The following CDH4 variants were observed in gnomAD, a reference collection of about 807,000 sequenced individuals.
CDH4 encodes the protein cadherin-4.
Under a neutral mutation model 86.0 loss-of-function variants are expected in CDH4, and 33 were observed. That is an observed-to-expected ratio of 0.38 (90% CI 0.29 to 0.51). CDH4 has a LOEUF of 0.51. CDH4 is among the 20% of genes least tolerant of loss of function. The pLI, the probability that CDH4 is intolerant of heterozygous loss-of-function variation, is 0.86. For missense variants in CDH4, 1,114 were observed against 1,307.4 expected, an observed-to-expected ratio of 0.85 and a Z score of 2.28; for synonymous variants, 555 against 549.4, an observed-to-expected ratio of 1.01 and a Z score of -0.14.
At chr20:61,479,207 T>A (rs1052693286) in intron 2 of CDH4, among the ~76,000 whole-genome samples, 1 of 152,008 alleles carries the variant, frequency 6.6e-6, no homozygotes, top group African/African-American at 2.4e-5. Context: ...GCAAGGGTGT[T>A]TTTTTTTAAA....
At chr20:61,773,294 C>T (rs2088800063) in intron 4 of CDH4, 112 bp downstream of exon 4, 1 of 1,019,438 alleles carries the variant, frequency 9.8e-7, no homozygotes, top group African/African-American at 1.6e-5. Flanking sequence ...GAGAAGGTCG[C>T]GATTTCACCC....
intron 2 of CDH4, among the ~76,000 whole-genome samples, chr20:61,618,837 C>T (rs912812656): frequency 4.6e-5 from 7 of 152,184 alleles, no homozygotes; most frequent in Admixed American, 2.6e-4. Flanking sequence ...GGGTAGAGAC[C>T]AGGGGCCAAC....
At chr20:61,845,769 G>A (rs1486464596) in intron 5 of CDH4, among the ~76,000 whole-genome samples, 1 of 152,236 alleles carries the variant, frequency 6.6e-6, no homozygotes, top group African/African-American at 2.4e-5. Context: ...GTGGTAACTC[G>A]GGAACAACCA....
intron 2 of CDH4, among the ~76,000 whole-genome samples, chr20:61,687,432 C>A (rs2087597042): frequency 6.6e-6 from 1 of 152,190 alleles, no homozygotes; most frequent in African/African-American, 2.4e-5. Context: ...GGATGGGCGC[C>A]CCCGGGGACC....
intron 2 of CDH4, among the ~76,000 whole-genome samples, chr20:61,651,270 T>A (rs4925267): frequency 0.37 from 56,623 of 152,154 alleles, 11,457 homozygotes; most frequent in Non-Finnish European, 0.46. Flanking sequence ...GGCAGTGAGT[T>A]CTGATTGCAG....
At chr20:61,919,153 G>A (rs2054939509) in intron 9 of CDH4, among the ~76,000 whole-genome samples, 1 of 152,214 alleles carries the variant, frequency 6.6e-6, no homozygotes. Flanking sequence ...TTACAGGCAT[G>A]AGCCACCGCA....
intron 2 of CDH4, among the ~76,000 whole-genome samples, chr20:61,644,523 A>T (rs570383883): frequency 1.3e-5 from 2 of 152,304 alleles, no homozygotes; most frequent in South Asian, 4.1e-4. Context: ...CCCGCTTTGA[A>T]TGACGTGAGC....
In CDH4 at chr20:61,873,749, C is replaced by G. The variant is rs764336317; in HGVS notation, c.899C>G (p.Thr300Arg). Residue 300 changes from threonine (T) to arginine (R), a missense_variant, in exon 7 of 16, where the codon ACG becomes AGG. Transcript: ENST00000614565. Reference sequence around the variant, plus strand: ...CCAGGCACCTACGTGATGACCGTCACGGCCAACGATGCTGACGACAGCACC... The same window carrying G: ...CCAGGCACCTACGTGATGACCGTCAGGGCCAACGATGCTGACGACAGCACC... ...SKPGTYVMTV[T>R]ANDADDSTTA... The G allele has an allele frequency of 1.2e-6, 2 of 1,613,444 alleles. No homozygotes were observed. The highest frequency in any genetic ancestry group is 8.5e-7 in the Non-Finnish European group (1 of 1,179,986).
chr20:61,280,033 T>C (rs6028089), intron 2 of CDH4, among the ~76,000 whole-genome samples: 130,134 of 152,142 alleles, frequency 0.86, 55,681 homozygotes, highest in African/African-American at 0.86. Flanking sequence ...GCTGTGTGGG[T>C]GGGGCAGGCG....
At chr20:61,428,376 T>G (rs1489045859) in intron 2 of CDH4, among the ~76,000 whole-genome samples, 4 of 152,176 alleles carry the variant, frequency 2.6e-5, no homozygotes, top group Non-Finnish European at 5.9e-5. Flanking sequence ...ATACAGAGAT[T>G]CTACTCGTGG....
chr20:61,880,331 CTG>C (rs1331632822), intron 7 of CDH4, among the ~76,000 whole-genome samples: 1 of 152,182 alleles, frequency 6.6e-6, no homozygotes, highest in Non-Finnish European at 1.5e-5. Flanking sequence ...TTTTGAATCA[CTG>C]TCATGGAACC....
At chr20:61,596,493 C>T (rs1340620199) in intron 2 of CDH4, among the ~76,000 whole-genome samples, 1 of 152,170 alleles carries the variant, frequency 6.6e-6, no homozygotes, top group African/African-American at 2.4e-5. Context: ...GTGGAAGCAG[C>T]AAGTCTCTGG....
rs535464873 is a variant in CDH4, at chr20:61,874,173, G to A, written c.1050+273G>A. 1.4e-3 allele frequency among the ~76,000 whole-genome samples: 216 copies of A among 152,232 alleles called. 1 individual carries two copies. The highest frequency in any genetic ancestry group is 4.3e-3 in the African/African-American group (179 of 41,528). ...GGCCTCAGAAAAGCAGGGACCACCC[G>A]CTGGGGTCTCGGGGTCTAGCCGCAG... On this transcript the variant is annotated intron_variant, in intron 7 of 15. Transcript: ENST00000614565.
chr20:61,270,734 T>C (rs1158073952), intron 2 of CDH4, among the ~76,000 whole-genome samples: 1 of 152,228 alleles, frequency 6.6e-6, no homozygotes, highest in East Asian at 1.9e-4. Flanking sequence ...GAAATCCATT[T>C]TGAAGTCTCG....
intron 2 of CDH4, among the ~76,000 whole-genome samples, chr20:61,550,056 CTCCCTGGCCTCCCTAGCCTGCT>C (rs1441070682): frequency 4.7e-5 from 7 of 148,076 alleles, no homozygotes; most frequent in Non-Finnish European, 9.0e-5. Context: ...CTGCCCCAAC[CTCCCTGGCCTCCCTAGCCTGCT>C]TCCCTGGCCT....
At chr20:61,678,641 G>A (rs1417261380) in intron 2 of CDH4, among the ~76,000 whole-genome samples, 1 of 152,178 alleles carries the variant, frequency 6.6e-6, no homozygotes, top group Non-Finnish European at 1.5e-5. Flanking sequence ...CGTCCTGGAG[G>A]CCGGGAGTCT....
At chr20:61,350,941 T>C (rs2084708463) in intron 2 of CDH4, among the ~76,000 whole-genome samples, 1 of 152,106 alleles carries the variant, frequency 6.6e-6, no homozygotes, top group Non-Finnish European at 1.5e-5. Flanking sequence ...ACAGAGACCA[T>C]CGCTCTAGGC....
chr20:61,884,050 C>A (rs1010417079), intron 7 of CDH4, among the ~76,000 whole-genome samples: 1 of 148,930 alleles, frequency 6.7e-6, no homozygotes, highest in African/African-American at 2.5e-5. Flanking sequence ...GGAACTGGGA[C>A]TCGCTGCCTG....
intron 2 of CDH4, among the ~76,000 whole-genome samples, chr20:61,724,260 T>A (rs1336151570): frequency 6.6e-6 from 1 of 152,142 alleles, no homozygotes; most frequent in Non-Finnish European, 1.5e-5. Context: ...CTGCCCCTGC[T>A]TCAAGGCAGC....
Sources: gnomAD v4.1 joint callset for allele counts (sites outside exome capture counted in the v4.1 genomes callset) on GRCh38, gnomAD v4.1.1 for gene constraint, MANE v1.5 for transcripts, NCBI Gene and HGNC (gene_info 2026-07-23, HGNC 2026-07-21) for gene names.